Variants in SH3GL2 observed in about 807,000 individuals in gnomAD.
The protein encoded by SH3GL2 is endophilin-A1.
In SH3GL2, 24 loss-of-function variants were observed where a neutral mutation model predicts 46.0. The ratio of observed to expected loss-of-function variants is 0.52; its 90% CI spans 0.38 to 0.73. The LOEUF is 0.73. SH3GL2 is among the 30% of genes least tolerant of loss of function. The pLI is 0.00. For missense variants in SH3GL2, 413 were observed against 424.2 expected (o/e 0.97, Z 0.23); for synonymous variants, 196 against 147.1 (o/e 1.33, Z -2.40).
intron 1 of SH3GL2, among the ~76,000 whole-genome samples, chr9:17,637,970 C>G (rs1276004420): frequency 6.6e-6 from 1 of 152,096 alleles, no homozygotes; most frequent in Non-Finnish European, 1.5e-5. Context: ...TCCTGGCTAA[C>G]ACAGTGAAAC....
At chr9:17,655,779 G>T (rs1472817028) in intron 1 of SH3GL2, among the ~76,000 whole-genome samples, 1 of 152,132 alleles carries the variant, frequency 6.6e-6, no homozygotes, top group African/African-American at 2.4e-5. Flanking sequence ...TCTGATCCAT[G>T]TAGTCTGAAC....
intron 1 of SH3GL2, among the ~76,000 whole-genome samples, chr9:17,588,716 G>A (rs981817308): frequency 2.8e-4 from 42 of 152,218 alleles, no homozygotes; most frequent in African/African-American, 9.6e-4. Flanking sequence ...TTGGCCTTGT[G>A]AGGCCCTCAA....
chr9:17,739,036 G>A (rs1450158918), intron 1 of SH3GL2, among the ~76,000 whole-genome samples: 2 of 152,130 alleles, frequency 1.3e-5, no homozygotes, highest in Non-Finnish European at 2.9e-5. Flanking sequence ...GAAATTTGTA[G>A]TTGTAACGTA....
chr9:17,580,729 C>G (rs893029381), intron 1 of SH3GL2, among the ~76,000 whole-genome samples: 1 of 152,182 alleles, frequency 6.6e-6, no homozygotes, highest in African/African-American at 2.4e-5. Flanking sequence ...GTTTACAGAA[C>G]CAAGCATATG....
At chr9:17,650,433 G>A (rs1295843607) in intron 1 of SH3GL2, among the ~76,000 whole-genome samples, 1 of 152,040 alleles carries the variant, frequency 6.6e-6, no homozygotes, top group East Asian at 1.9e-4. Flanking sequence ...GTGCAGTGGC[G>A]CAATCTTGGC....
chr9:17,698,137 G>C (rs1291960480), intron 1 of SH3GL2, among the ~76,000 whole-genome samples: 1 of 152,204 alleles, frequency 6.6e-6, no homozygotes, highest in Non-Finnish European at 1.5e-5. Flanking sequence ...ACATATGGTA[G>C]TAGAAGGAGT....
intron 1 of SH3GL2, among the ~76,000 whole-genome samples, chr9:17,644,713 T>A (rs1048100633): frequency 3.3e-5 from 5 of 152,210 alleles, no homozygotes; most frequent in African/African-American, 1.2e-4. Flanking sequence ...TCCATTTTTT[T>A]GCATTTGCTG....
intron 1 of SH3GL2, among the ~76,000 whole-genome samples, chr9:17,700,925 A>G (rs987303434): frequency 6.6e-6 from 1 of 152,216 alleles, no homozygotes; most frequent in Non-Finnish European, 1.5e-5. Flanking sequence ...AGAAGAACTC[A>G]TCTCAAAGCC....
chr9:17,621,111 A>G (rs1320483551), intron 1 of SH3GL2, among the ~76,000 whole-genome samples: 1 of 152,216 alleles, frequency 6.6e-6, no homozygotes, highest in Non-Finnish European at 1.5e-5. Context: ...CCTTTTGAAG[A>G]CTAATTTCAA....
At chr9:17,620,996 G>C (rs1257503639) in intron 1 of SH3GL2, among the ~76,000 whole-genome samples, 1 of 152,170 alleles carries the variant, frequency 6.6e-6, no homozygotes, top group South Asian at 2.1e-4. Context: ...ATAATGTGTA[G>C]TTCATGAGAA....
chr9:17,795,121 A>G (rs961676074), intron 8 of SH3GL2, among the ~76,000 whole-genome samples: 15 of 152,230 alleles, frequency 9.9e-5, no homozygotes, highest in Non-Finnish European at 2.2e-4. Flanking sequence ...CAGATATGCA[A>G]AGGTTTTAAA....
chr9:17,720,959 T>G (rs537944817), intron 1 of SH3GL2, among the ~76,000 whole-genome samples: 1 of 152,082 alleles, frequency 6.6e-6, no homozygotes. Context: ...TAGTGTGTTG[T>G]GGAGCAGGGT....
chr9:17,775,614 C>T lies in SH3GL2; in HGVS notation c.188-10767C>T, dbSNP rs75089555. Among the ~76,000 whole-genome samples, 65 of 152,250 alleles carry T rather than the reference C, an allele frequency of 4.3e-4. 1 individual carries two copies. Among genetic ancestry groups the T allele is most frequent in the East Asian group, 2.5e-3 (13 of 5,190 alleles). ...TTAATGAATACTACTACAAATTATT[C>T]GGCATTTGTCCTGCTCAAGATCTCT... On this transcript the variant is annotated intron_variant, in intron 3 of 8. Transcript: ENST00000380607.
intron 2 of SH3GL2, among the ~76,000 whole-genome samples, chr9:17,760,803 T>C (rs1823148508): frequency 6.6e-6 from 1 of 152,152 alleles, no homozygotes; most frequent in African/African-American, 2.4e-5. Flanking sequence ...TTCCATGACC[T>C]CTTTCAAGTG....
chr9:17,662,469 C>T (rs982154545), intron 1 of SH3GL2, among the ~76,000 whole-genome samples: 2 of 152,114 alleles, frequency 1.3e-5, no homozygotes, highest in African/African-American at 4.8e-5. Flanking sequence ...GAAATACTAT[C>T]ATGCCTTTGG....
Position 17,721,672 on chromosome 9 carries a change from G to T in SH3GL2, c.46-25394G>T, listed in dbSNP as rs376189887. ...ATCTATGCATGCACTTACCATACAT[G>T]TTCCTCACTATATATTTGTAGCTTT... On this transcript the variant is annotated intron_variant, in intron 1 of 8. Transcript: ENST00000380607. 3.3e-5 allele frequency among the ~76,000 whole-genome samples: 5 copies of T among 152,076 alleles called. No homozygotes were observed. In the South Asian group the frequency reaches 1.0e-3, roughly 32 times the overall value.
intron 5 of SH3GL2, 77 bp from the exon 6 acceptor site, chr9:17,789,315 C>T (rs922799499): frequency 3.5e-5 from 40 of 1,154,368 alleles, no homozygotes; most frequent in Non-Finnish European, 4.1e-5. Flanking sequence ...AGTTAATGGA[C>T]GTGATGGAGA....
intron 2 of SH3GL2, among the ~76,000 whole-genome samples, chr9:17,753,224 A>G (rs776179267): frequency 2.6e-4 from 39 of 152,194 alleles, no homozygotes; most frequent in Non-Finnish European, 2.1e-4. Flanking sequence ...GTGTATATCC[A>G]CTAATGGGAT....
intron 3 of SH3GL2, among the ~76,000 whole-genome samples, chr9:17,782,553 AC>A (rs1352289905): frequency 6.6e-6 from 1 of 152,114 alleles, no homozygotes; most frequent in Non-Finnish European, 1.5e-5. Flanking sequence ...GGAATCCTTA[AC>A]ATTTAATTAG....
Sources: allele counts gnomAD v4.1 joint callset (sites outside exome capture counted in the v4.1 genomes callset), GRCh38; gene constraint gnomAD v4.1.1; transcripts MANE v1.5; gene names NCBI Gene and HGNC (gene_info 2026-07-23, HGNC 2026-07-21).